Variants in APPBP2 observed in about 807,000 individuals in gnomAD.
APPBP2 encodes the protein amyloid protein-binding protein 2.
Under a neutral mutation model 76.0 loss-of-function variants are expected in APPBP2, and 15 were observed. That is an observed-to-expected ratio of 0.20 (90% CI 0.13 to 0.30). APPBP2 has a LOEUF of 0.30. APPBP2 is among the 10% of genes least tolerant of loss of function. The pLI is 1.00. For missense variants in APPBP2, 401 were observed against 687.2 expected (o/e 0.58, Z 4.66); for synonymous variants, 222 against 242.2 (o/e 0.92, Z 0.77).
chr17:60,477,313 G>T (rs1369718779), intron 4 of APPBP2, among the ~76,000 whole-genome samples: 1 of 152,118 alleles, frequency 6.6e-6, no homozygotes, highest in Non-Finnish European at 1.5e-5. Context: ...AAATAAATCT[G>T]AATATGTGAA....
chr17:60,505,189 CTCT>C (rs1365820042), intron 1 of APPBP2, among the ~76,000 whole-genome samples: 2 of 152,254 alleles, frequency 1.3e-5, no homozygotes, highest in African/African-American at 4.8e-5. Flanking sequence ...TCCATTACCA[CTCT>C]TGTCTCCCTC....
intron 1 of APPBP2, among the ~76,000 whole-genome samples, chr17:60,519,233 G>A (rs923896871): frequency 2.6e-5 from 4 of 151,968 alleles, no homozygotes; most frequent in African/African-American, 9.7e-5. Flanking sequence ...AAAGTGCTGG[G>A]ATTACAGGCA....
rs573655736 is a variant in APPBP2, at chr17:60,524,559, G to A, written c.138+1235C>T. On this transcript the variant is annotated intron_variant, in intron 1 of 12. Transcript: ENST00000083182. ...AAACCCCACTTTAATTGTTAGAATT[G>A]GTGCAAAGCAGCTGGATTTAGTAGA... Among the ~76,000 whole-genome samples the A allele has an allele frequency of 6.8e-5, 10 of 146,794 alleles. No individual in the cohort carries two copies. The East Asian group carries it at 2.0e-3, about 30-fold the overall frequency.
intron 5 of APPBP2, among the ~76,000 whole-genome samples, chr17:60,464,516 T>A (rs1332335547): frequency 6.6e-6 from 1 of 152,234 alleles, no homozygotes; most frequent in Non-Finnish European, 1.5e-5. Flanking sequence ...TTATTTTATG[T>A]CTGAATTGTC....
chr17:60,499,875 A>G (rs1182704910), intron 2 of APPBP2, among the ~76,000 whole-genome samples: 1 of 152,218 alleles, frequency 6.6e-6, no homozygotes, highest in African/African-American at 2.4e-5. Context: ...AAACTCATCT[A>G]AAGTACAATG....
Position 60,525,800 on chromosome 17 carries a change from G to A in APPBP2, c.132C>T (p.Tyr44=). ...GGAGGCCCACGGCGCATACCTTGTA[G>A]TAAACATCAAACTGGATGTTCTCGG... The part of the protein sequence containing the change: ...SLPENIQFDV[Y]YKLYQQGRLC... Residue 44 remains tyrosine, a synonymous_variant, in exon 1 of 13, where the codon TAC becomes TAT. Transcript: ENST00000083182. 6.2e-7 allele frequency: 1 copy of A among 1,613,964 alleles called. No individual in the cohort carries two copies.
chr17:60,513,129 G>T, intron 1 of APPBP2: 1 of 280,804 alleles, frequency 3.6e-6, no homozygotes. Flanking sequence ...AGCGAGCTCG[G>T]AAGGTGTCCA....
intron 3 of APPBP2, among the ~76,000 whole-genome samples, chr17:60,492,871 G>A (rs1026084578): frequency 5.9e-5 from 9 of 152,320 alleles, no homozygotes; most frequent in Admixed American, 4.6e-4. Context: ...GTGTTGAAAT[G>A]TGAGGACATG....
Position 60,500,355 on chromosome 17 carries a change from T to G in APPBP2, c.227+44A>C. ...CACTCAATTCGGTTAAAATGGTAAA[T>G]TTTATGTTATGTATATTTTACAATT... On this transcript the variant is annotated intron_variant, in intron 2 of 12. Coordinates refer to ENST00000083182, the MANE Select transcript of APPBP2 (RefSeq NM_006380.5). 2.2e-6 allele frequency: 3 copies of G among 1,345,524 alleles called. No homozygotes were observed. The Admixed American group carries it at 5.9e-5, about 26-fold the overall frequency. 83.3% of individuals were successfully genotyped at this position (1,345,524 alleles called of 1,614,324 possible).
chr17:60,468,988 G>C (rs2090531247), intron 4 of APPBP2, among the ~76,000 whole-genome samples: 1 of 152,118 alleles, frequency 6.6e-6, no homozygotes. Flanking sequence ...AGCCAGACAT[G>C]ACGAAAGTAA....
rs147355289 is a variant in APPBP2, at chr17:60,496,935, G to A, written c.228-2318C>T. The stretch of plus-strand genomic sequence containing the variant: ...AAGATTTCAGCATGTTGGCCAGGCT[G>A]GTCTTCAACTCCTGACCTCAGGTGA... On this transcript the variant is annotated intron_variant, in intron 2 of 12. Coordinates refer to ENST00000083182, the MANE Select transcript of APPBP2 (RefSeq NM_006380.5). 1.4e-4 allele frequency among the ~76,000 whole-genome samples: 22 copies of A among 152,172 alleles called. 1 individual carries two copies. The East Asian group carries it at 3.9e-3, about 27-fold the overall frequency.
In APPBP2 at chr17:60,512,331, C is replaced by T. The variant is rs575172661; in HGVS notation, c.139-11844G>A. ...TGTTAGCCAGGATGGTGTCGCTCTC[C>T]TGACCTCGTGATCCGCCCGCCTCGG... is the stretch of plus-strand genomic sequence containing the variant. On this transcript the variant is annotated intron_variant, in intron 1 of 12. Transcript: ENST00000083182. Among the ~76,000 whole-genome samples the T allele has an allele frequency of 5.6e-3, 852 of 151,982 alleles. 8 individuals are homozygous for T. The highest frequency in any genetic ancestry group is 0.017 in the South Asian group (83 of 4,810).
chr17:60,451,114 G>A (rs1257786570), intron 12 of APPBP2, among the ~76,000 whole-genome samples: 1 of 152,138 alleles, frequency 6.6e-6, no homozygotes, highest in Non-Finnish European at 1.5e-5. Flanking sequence ...TCCAACAAAT[G>A]GCAGTGATAC....
At chr17:60,468,968 G>C (rs1198905825) in intron 4 of APPBP2, among the ~76,000 whole-genome samples, 1 of 152,118 alleles carries the variant, frequency 6.6e-6, no homozygotes, top group Non-Finnish European at 1.5e-5. Flanking sequence ...TGACTAGTTA[G>C]AGCCTCATCA....
At chr17:60,519,458 T>A (rs924014338) in intron 1 of APPBP2, among the ~76,000 whole-genome samples, 6 of 151,516 alleles carry the variant, frequency 4.0e-5, no homozygotes, top group African/African-American at 1.5e-4. Flanking sequence ...AAAAAAAAAT[T>A]TTTAAGGTTT....
intron 1 of APPBP2, among the ~76,000 whole-genome samples, chr17:60,509,657 C>T (rs1441425444): frequency 1.3e-5 from 2 of 152,098 alleles, no homozygotes; most frequent in Non-Finnish European, 2.9e-5. Flanking sequence ...ACAAAATTAG[C>T]CGGGCGTGGT....
chr17:60,498,202 A>G (rs913841748), intron 2 of APPBP2, among the ~76,000 whole-genome samples: 1 of 152,174 alleles, frequency 6.6e-6, no homozygotes, highest in African/African-American at 2.4e-5. Context: ...TGATACTTAA[A>G]ACGGGAAGAT....
At chr17:60,482,879 C>A (rs113795197) in intron 3 of APPBP2, among the ~76,000 whole-genome samples, 1 of 151,962 alleles carries the variant, frequency 6.6e-6, no homozygotes, top group Non-Finnish European at 1.5e-5. Context: ...TGTGAAGTGC[C>A]GTAATAAACA....
chr17:60,487,738 CT>C (rs1201035787), intron 3 of APPBP2, among the ~76,000 whole-genome samples: 1 of 152,228 alleles, frequency 6.6e-6, no homozygotes, highest in East Asian at 1.9e-4. Context: ...TGTTCCATTG[CT>C]GGCGAGGAGC....
Sources: gnomAD v4.1 joint callset for allele counts (sites outside exome capture counted in the v4.1 genomes callset) on GRCh38, gnomAD v4.1.1 for gene constraint, MANE v1.5 for transcripts, NCBI Gene and HGNC (gene_info 2026-07-23, HGNC 2026-07-21) for gene names.